The following STK38 variants were observed in gnomAD, a reference collection of about 807,000 sequenced individuals.
STK38 encodes the protein serine/threonine kinase 38, also known as serine/threonine-protein kinase 38.
A neutral mutation model predicts 59.0 loss-of-function variants in STK38; 26 were observed. The ratio of observed to expected loss-of-function variants is 0.44; its 90% CI spans 0.32 to 0.61. The LOEUF (loss-of-function observed/expected upper bound fraction) is 0.61. Among genes scored for constraint, STK38 ranks in the 20% least tolerant of loss-of-function variants. STK38 has a pLI of 0.04. For missense variants in STK38, 433 were observed against 566.0 expected (o/e 0.76, Z 2.38); for synonymous variants, 175 against 176.6 (o/e 0.99, Z 0.07).
At chr6:36,533,693 C>G (rs1777723425) in intron 2 of STK38, among the ~76,000 whole-genome samples, 1 of 152,140 alleles carries the variant, frequency 6.6e-6, no homozygotes, top group Non-Finnish European at 1.5e-5. Flanking sequence ...TAGGGCAGAA[C>G]CAGTAGGATA....
chr6:36,531,887 T>C (rs1777673868), intron 2 of STK38, among the ~76,000 whole-genome samples: 1 of 152,192 alleles, frequency 6.6e-6, no homozygotes, highest in Non-Finnish European at 1.5e-5. Context: ...GTTTCAACTA[T>C]AAACTAGTGT....
chr6:36,546,099 G>A (rs1028567261), intron 1 of STK38, among the ~76,000 whole-genome samples: 1 of 152,154 alleles, frequency 6.6e-6, no homozygotes, highest in Non-Finnish European at 1.5e-5. Flanking sequence ...CTCTCCCACT[G>A]AACTGTAAAT....
intron 13 of STK38, among the ~76,000 whole-genome samples, chr6:36,496,358 C>A (rs1009400839): frequency 6.6e-6 from 1 of 152,082 alleles, no homozygotes; most frequent in Admixed American, 6.5e-5. Context: ...TATGAATTTT[C>A]CACATTTTCT....
At chr6:36,545,613 G>C (rs1303228346) in intron 1 of STK38, among the ~76,000 whole-genome samples, 1 of 152,086 alleles carries the variant, frequency 6.6e-6, no homozygotes, top group Non-Finnish European at 1.5e-5. Context: ...TTAATCAAAA[G>C]ATGTAATTAA....
chr6:36,527,214 G>GTATATATATATATA (rs754385176), intron 2 of STK38, among the ~76,000 whole-genome samples: 1 of 117,238 alleles, frequency 8.5e-6, no homozygotes, highest in Admixed American at 1.0e-4. Flanking sequence ...AAAAATATAT[G>GTATATATATATATA]TATATATATA....
intron 5 of STK38, among the ~76,000 whole-genome samples, chr6:36,520,864 C>CA (rs1777361503): frequency 6.6e-6 from 1 of 152,140 alleles, no homozygotes; most frequent in Non-Finnish European, 1.5e-5. Flanking sequence ...TATCTCCTCT[C>CA]AAGAGGTAGA....
intron 2 of STK38, among the ~76,000 whole-genome samples, chr6:36,538,825 G>C (rs1302932932): frequency 7.3e-6 from 1 of 136,744 alleles, no homozygotes; most frequent in African/African-American, 2.8e-5. Flanking sequence ...CCAGGAGGCA[G>C]ATGATGCAGT....
chr6:36,515,452 T>C lies in STK38; in HGVS notation c.555A>G (p.Thr185=). ...MTLLMKKDTL[T]EEETQFYIAE... is the part of the protein sequence containing the mutation. Reference sequence around the variant, plus strand: ...CTATATAAAACTGAGTCTCCTCTTCTGTCAGAGTGTCTTTTTTCATCAACA... The same window carrying C: ...CTATATAAAACTGAGTCTCCTCTTCCGTCAGAGTGTCTTTTTTCATCAACA... The change falls in exon 7 of 14, where the codon ACA becomes ACG. Residue 185 remains threonine (T), a synonymous_variant. Transcript: ENST00000229812. 6.2e-7 allele frequency: 1 copy of C among 1,614,072 alleles called. No individual in the cohort carries two copies. Among genetic ancestry groups the C allele is most frequent in the Non-Finnish European group, 8.5e-7 (1 of 1,180,018 alleles).
chr6:36,500,237 A>C (rs1424888223), intron 9 of STK38, among the ~76,000 whole-genome samples: 1 of 152,146 alleles, frequency 6.6e-6, no homozygotes, highest in East Asian at 1.9e-4. Context: ...GTGTCATAAT[A>C]ACTGGTATTA....
chr6:36,525,120 G>A (rs957983868), intron 3 of STK38, among the ~76,000 whole-genome samples: 17 of 152,170 alleles, frequency 1.1e-4, no homozygotes, highest in African/African-American at 3.6e-4. Context: ...AATACCTCAT[G>A]CATGCGGAGC....
chr6:36,543,126 G>A (rs990821641), intron 1 of STK38, among the ~76,000 whole-genome samples: 8 of 149,522 alleles, frequency 5.4e-5, no homozygotes, highest in African/African-American at 1.7e-4. Context: ...GTGCAGTGGC[G>A]CGATCTCGGC....
Position 36,537,384 on chromosome 6 carries a change from C to T in STK38, c.131+2688G>A, listed in dbSNP as rs78759756. On this transcript the variant is annotated intron_variant, in intron 2 of 13. Coordinates refer to ENST00000229812, the MANE Select transcript of STK38 (RefSeq NM_007271.4). The stretch of plus-strand genomic sequence containing the variant: ...CTATGTACATGATTCAGCAATTCCA[C>T]TGAATCTCTCTAGATGTTTATCTGA... 1.5e-3 allele frequency among the ~76,000 whole-genome samples: 225 copies of T among 152,258 alleles called. 4 individuals carry two copies. The East Asian group carries it at 0.043, about 29-fold the overall frequency.
At chr6:36,545,976 C>T (rs1205677731) in intron 1 of STK38, among the ~76,000 whole-genome samples, 1 of 152,174 alleles carries the variant, frequency 6.6e-6, no homozygotes, top group Admixed American at 6.5e-5. Flanking sequence ...TCACTATAAA[C>T]AACCCTCTCT....
chr6:36,529,184 T>C (rs1298977072), intron 2 of STK38, among the ~76,000 whole-genome samples: 1 of 152,168 alleles, frequency 6.6e-6, no homozygotes, highest in Admixed American at 6.6e-5. Flanking sequence ...ATTTGCATTA[T>C]GCAAGAAAAT....
intron 1 of STK38, among the ~76,000 whole-genome samples, chr6:36,545,928 CCTGGCTAACTGA>C (rs1778044342): frequency 2.0e-5 from 3 of 152,194 alleles, no homozygotes; most frequent in Admixed American, 1.3e-4. Context: ...TATGGTTATG[CCTGGCTAACTGA>C]CTGACTTTAC....
At chr6:36,527,323 T>C (rs199673959) in intron 2 of STK38, among the ~76,000 whole-genome samples, 871 of 81,438 alleles carry the variant, frequency 0.011, 13 homozygotes, top group African/African-American at 0.043. Flanking sequence ...TATACACACA[T>C]ATATATACAC....
At chr6:36,521,671 A>G in intron 5 of STK38, 63 bp downstream of exon 5, 3 of 1,292,990 alleles carry the variant, frequency 2.3e-6, no homozygotes, top group Non-Finnish European at 3.2e-6. Flanking sequence ...CAATTAAACA[A>G]AAAGAAAAGT....
chr6:36,517,793 ACTGT>A lies in STK38; in HGVS notation c.434_437del (p.Asp145ValfsTer5). Reference sequence around the variant, plus strand: ...TATAGAACATTTTCACAACCCACAAACTGTCTGCCTCCACTAGAATGTCACGCTC... The same window carrying A: ...TATAGAACATTTTCACAACCCACAAACTGCCTCCACTAGAATGTCACGCTC... On this transcript the variant is annotated frameshift_variant, in exon 6 of 14. Coordinates refer to ENST00000229812, the MANE Select transcript of STK38 (RefSeq NM_007271.4). LOFTEE classifies it high-confidence loss of function. 2 of 1,614,126 alleles carry A rather than the reference ACTGT, an allele frequency of 1.2e-6. No homozygotes were observed. The highest frequency in any genetic ancestry group is 1.7e-6 in the Non-Finnish European group (2 of 1,180,002).
intron 5 of STK38, among the ~76,000 whole-genome samples, chr6:36,519,714 A>T (rs1468882246): frequency 6.6e-6 from 1 of 152,176 alleles, no homozygotes. Context: ...ATAAATATTT[A>T]ATAAGGTGGG....
Sources: gnomAD v4.1 joint callset for allele counts (sites outside exome capture counted in the v4.1 genomes callset) on GRCh38, gnomAD v4.1.1 for gene constraint, MANE v1.5 for transcripts, NCBI Gene and HGNC (gene_info 2026-07-23, HGNC 2026-07-21) for gene names.